KLHL3: variants seen among roughly 807,000 people sequenced by gnomAD.
The protein encoded by KLHL3 is kelch like family member 3, also known as kelch-like protein 3.
Under a neutral mutation model 70.5 loss-of-function variants are expected in KLHL3, and 19 were observed. The ratio of observed to expected loss-of-function variants is 0.27; its 90% CI spans 0.19 to 0.40. The LOEUF (loss-of-function observed/expected upper bound fraction) is 0.40. KLHL3 is among the 10% of genes least tolerant of loss of function. The pLI is 1.00. For synonymous variants in KLHL3, 258 were observed against 290.3 expected, an observed-to-expected ratio of 0.89 and a Z score of 1.13; for missense variants, 512 against 771.1, an observed-to-expected ratio of 0.66 and a Z score of 3.98.
chr5:137,658,266 T>C lies in KLHL3; in HGVS notation c.768A>G (p.Glu256=). ...RDYLVQTVEE[E]ALIKNNNTCK... Reference sequence around the variant, plus strand: ...AGGTGTTGTTATTCTTTATCAAAGCTTCTTCTTCAACCGTCTAGAGGTAAT... The same window carrying C: ...AGGTGTTGTTATTCTTTATCAAAGCCTCTTCTTCAACCGTCTAGAGGTAAT... The change falls in exon 8 of 15, where the codon GAA becomes GAG. Residue 256 remains glutamate, a synonymous_variant. Transcript: ENST00000309755. 1 of 1,614,020 alleles carries C rather than the reference T, an allele frequency of 6.2e-7. No homozygotes were observed. The highest frequency in any genetic ancestry group is 8.5e-7 in the Non-Finnish European group (1 of 1,179,880).
intron 6 of KLHL3, among the ~76,000 whole-genome samples, chr5:137,667,064 G>T (rs760959003): frequency 3.3e-5 from 5 of 152,096 alleles, no homozygotes; most frequent in Admixed American, 6.6e-5. Flanking sequence ...ATAGCAGGGG[G>T]GTTGCAAACT....
At chr5:137,692,587 G>C in intron 4 of KLHL3, 140 bp from the exon 5 acceptor site, 1 of 737,270 alleles carries the variant, frequency 1.4e-6, no homozygotes, top group Non-Finnish European at 2.3e-6. Context: ...TTCCTAGCCT[G>C]CTTTCCAGCC....
At position 137,692,273 on chromosome 5, in the gene KLHL3, G is replaced by T. The variant is rs761164505; in HGVS notation, c.526+12C>A. 5.0e-6 allele frequency: 8 copies of T among 1,607,362 alleles called. No individual in the cohort carries two copies. Among genetic ancestry groups the T allele is most frequent in the Admixed American group, 3.4e-5 (2 of 59,604 alleles). The stretch of plus-strand genomic sequence containing the variant: ...AACTCGGAGGAGGTGCAGCAGTCCG[G>T]CTCCCCCTTACCTGCGTAGGCATTG... On this transcript the variant is annotated intron_variant, in intron 5 of 14. Coordinates refer to ENST00000309755, the MANE Select transcript of KLHL3 (RefSeq NM_017415.3).
In KLHL3 at chr5:137,668,760, G is replaced by A. The variant is rs535103454; in HGVS notation, c.637-6729C>T. 2.8e-4 allele frequency among the ~76,000 whole-genome samples: 43 copies of A among 152,304 alleles called. No individual in the cohort carries two copies. The South Asian group carries it at 8.7e-3, about 31-fold the overall frequency. Reference sequence around the variant, plus strand: ...GCGGCAATTGGAGCTCACTGTGCACGTCTCTTCCTAACTCCACGTTTAGTG... The same window carrying A: ...GCGGCAATTGGAGCTCACTGTGCACATCTCTTCCTAACTCCACGTTTAGTG... On this transcript the variant is annotated intron_variant, in intron 6 of 14. Coordinates refer to ENST00000309755, the MANE Select transcript of KLHL3 (RefSeq NM_017415.3).
intron 8 of KLHL3, among the ~76,000 whole-genome samples, chr5:137,656,260 A>C (rs1314616030): frequency 2.0e-5 from 3 of 152,164 alleles, no homozygotes; most frequent in Non-Finnish European, 4.4e-5. Flanking sequence ...GACTGTCCAT[A>C]ATATGCACAT....
chr5:137,722,776 C>T (rs1346069614), intron 1 of KLHL3, among the ~76,000 whole-genome samples: 1 of 152,094 alleles, frequency 6.6e-6, no homozygotes, highest in African/African-American at 2.4e-5. Flanking sequence ...AAGTGATTCT[C>T]GTGCCTTAGC....
chr5:137,664,494 T>C (rs1401470520), intron 6 of KLHL3, among the ~76,000 whole-genome samples: 1 of 151,996 alleles, frequency 6.6e-6, no homozygotes, highest in Non-Finnish European at 1.5e-5. Context: ...ACCAATGTAA[T>C]AACTGATTGA....
rs1455995672 is a variant in KLHL3, at chr5:137,735,916, TC to T, written c.-271del. On this transcript the variant is annotated 5_prime_UTR_variant, in exon 1 of 15. The change abolishes the stop of an existing upstream ORF in the 5' untranslated region. Coordinates refer to ENST00000309755, the MANE Select transcript of KLHL3 (RefSeq NM_017415.3). ...CTGCTAAAAGCAGCAACCCACTTGC[TC>T]CCCCTCCCCCGCAGGCTTGCTGCTC... is the stretch of plus-strand genomic sequence containing the variant. 6 of 518,082 alleles carry T rather than the reference TC, an allele frequency of 1.2e-5. No individual in the cohort carries two copies. In the East Asian group the frequency reaches 2.0e-4, roughly 17 times the overall value. The allele number at this position is 518,082 out of a possible 1,614,324, so 32.1% of individuals were successfully genotyped here.
intron 3 of KLHL3, among the ~76,000 whole-genome samples, chr5:137,698,858 A>G (rs1752505953): frequency 1.3e-5 from 2 of 152,232 alleles, no homozygotes; most frequent in South Asian, 4.1e-4. Flanking sequence ...TAACAACAAT[A>G]ATAAGTAACA....
rs541047458 is a variant in KLHL3, at chr5:137,650,838, A to C, written c.903+7293T>G. Among the ~76,000 whole-genome samples, 33 of 151,636 alleles carry C rather than the reference A, an allele frequency of 2.2e-4. No individual in the cohort carries two copies. The South Asian group carries it at 6.8e-3, about 31-fold the overall frequency. ...ACTCCATCTAAAAAAAAAAAAAAAA[A>C]GTAATGAATTAATGCATACATGATT... On this transcript the variant is annotated intron_variant, in intron 8 of 14. Transcript: ENST00000309755.
intron 8 of KLHL3, among the ~76,000 whole-genome samples, chr5:137,645,038 C>A (rs1751009526): frequency 6.6e-6 from 1 of 152,128 alleles, no homozygotes; most frequent in South Asian, 2.1e-4. Flanking sequence ...CGATACGTCA[C>A]ATTAACAGAA....
intron 1 of KLHL3, among the ~76,000 whole-genome samples, chr5:137,728,275 C>T (rs1419498349): frequency 6.6e-6 from 1 of 152,148 alleles, no homozygotes; most frequent in Non-Finnish European, 1.5e-5. Context: ...TCCATGAGAA[C>T]CAAGACAGTT....
At chr5:137,645,562 C>T (rs988755798) in intron 8 of KLHL3, among the ~76,000 whole-genome samples, 1 of 148,870 alleles carries the variant, frequency 6.7e-6, no homozygotes, top group African/African-American at 2.5e-5. Context: ...ACAATAGCTA[C>T]AAAAAAAAAT....
chr5:137,703,372 C>A (rs190843616), intron 3 of KLHL3, among the ~76,000 whole-genome samples: 98 of 152,296 alleles, frequency 6.4e-4, no homozygotes, highest in African/African-American at 2.3e-3. Flanking sequence ...GTCCTAAAAT[C>A]TGGGCTGCCA....
rs1392074378 is a variant in KLHL3 at position 137,639,146 on chromosome 5, C to T, written c.1026G>A (p.Val342=). ...ELPSRRCRAG[V]VFMAGHVYAV... ...CATACACGTGGCCAGCCATGAACAC[C>T]ACACCTGAGGCACAGGAAACCAAGA... Residue 342 remains valine (V), a synonymous_variant, in exon 10 of 15, where the codon GTG becomes GTA. Coordinates refer to ENST00000309755, the MANE Select transcript of KLHL3 (RefSeq NM_017415.3). The surrounding 1 kb of genome is among the most constrained non-coding windows in gnomAD (Gnocchi z 5.0). The T allele has an allele frequency of 1.2e-6, 2 of 1,613,608 alleles. No individual in the cohort carries two copies. Among genetic ancestry groups the T allele is most frequent in the Admixed American group, 1.7e-5 (1 of 59,978 alleles).
At chr5:137,629,882 C>T (rs1750587035) in intron 12 of KLHL3, 1 of 152,186 alleles carries the variant, frequency 6.6e-6, no homozygotes, top group South Asian at 2.1e-4. Flanking sequence ...TTCCCCTAAC[C>T]ATCTGGTGGC....
chr5:137,656,073 G>C (rs1751336690), intron 8 of KLHL3, among the ~76,000 whole-genome samples: 1 of 147,608 alleles, frequency 6.8e-6, no homozygotes, highest in Non-Finnish European at 1.5e-5. Context: ...GACATGAACA[G>C]AGAATTCTCC....
Position 137,698,293 on chromosome 5 carries a change from A to G in KLHL3, c.357T>C (p.Asn119=). 6.2e-7 allele frequency: 1 copy of G among 1,614,212 alleles called. No homozygotes were observed. The highest frequency in any genetic ancestry group is 8.5e-7 in the Non-Finnish European group (1 of 1,180,024). The part of the protein sequence containing the change: ...YTAEIEVTEE[N]VQVLLPAASL... ...TTAGTGAGCCTGAGTTTACCTGGAC[A>G]TTCTCTTCAGTCACCTCGATTTCAG... Residue 119 remains asparagine (N), a synonymous_variant, in exon 4 of 15, where the codon AAT becomes AAC. Coordinates refer to ENST00000309755, the MANE Select transcript of KLHL3 (RefSeq NM_017415.3).
intron 5 of KLHL3, among the ~76,000 whole-genome samples, chr5:137,681,690 CTTGAAGGGTAACTCTCCAATA>C (rs1048104965): frequency 2.6e-5 from 4 of 151,900 alleles, no homozygotes; most frequent in African/African-American, 9.7e-5. Context: ...AGAGTTAGCC[CTTGAAGGGTAACTCTCCAATA>C]ATAACTAACT....
Sources: gnomAD v4.1 joint callset for allele counts (sites outside exome capture counted in the v4.1 genomes callset) on GRCh38, gnomAD v4.1.1 for gene constraint, Gnocchi (gnomAD v3.1) non-coding constraint, MANE v1.5 for transcripts, NCBI Gene and HGNC (gene_info 2026-07-23, HGNC 2026-07-21) for gene names.